Variants in RAP1GAP2 observed in about 807,000 individuals in gnomAD.
RAP1GAP2 encodes RAP1 GTPase activating protein 2.
In RAP1GAP2, 27 loss-of-function variants were observed where a neutral mutation model predicts 95.0. That is an observed-to-expected ratio of 0.28 (90% confidence interval 0.21 to 0.39). The LOEUF is 0.39. RAP1GAP2 is among the 10% of genes least tolerant of loss of function. The pLI, the probability that RAP1GAP2 is intolerant of heterozygous loss-of-function variation, is 1.00. For missense variants in RAP1GAP2, 771 were observed against 970.0 expected (o/e 0.79, Z 2.72); for synonymous variants, 373 against 380.9 (o/e 0.98, Z 0.24).
chr17:2,774,833 T>A (rs61421607), upstream of RAP1GAP2, among the ~76,000 whole-genome samples: 1 of 81,358 alleles, frequency 1.2e-5, no homozygotes, highest in Non-Finnish European at 2.3e-5. Flanking sequence ...TTTTTTTTTT[T>A]TCCCCAAGAT....
At chr17:2,879,941 G>A (rs2073227840) in intron 2 of RAP1GAP2, among the ~76,000 whole-genome samples, 1 of 152,224 alleles carries the variant, frequency 6.6e-6, no homozygotes, top group African/African-American at 2.4e-5. Flanking sequence ...AGAGACCGCA[G>A]GGTCCTTCAG....
chr17:2,810,134 A>G (rs1048102872), intron 2 of RAP1GAP2, among the ~76,000 whole-genome samples: 1 of 151,514 alleles, frequency 6.6e-6, no homozygotes, highest in Non-Finnish European at 1.5e-5. Flanking sequence ...AGGGCTGGAC[A>G]GAGGGCTGAG....
chr17:2,977,650 C>T (rs1004010204), intron 8 of RAP1GAP2, among the ~76,000 whole-genome samples: 1 of 148,924 alleles, frequency 6.7e-6, no homozygotes, highest in Non-Finnish European at 1.5e-5. Flanking sequence ...GAGGCTGAGG[C>T]AGGAGAATTG....
intron 2 of RAP1GAP2, chr17:2,854,120 C>G: frequency 1.0e-6 from 1 of 985,448 alleles, no homozygotes; most frequent in Non-Finnish European, 1.2e-6. Context: ...CCTGCAGCGC[C>G]GGCCGCTTCC....
chr17:2,911,863 G>C lies in RAP1GAP2; in HGVS notation c.165+6495G>C, dbSNP rs1405959509. On this transcript the variant is annotated intron_variant, in intron 3 of 24. Transcript: ENST00000254695. ...TGGGAAGGACACAGAGCATTTCACT[G>C]AAGTCCACTCTGCTGGGACTTGACC... 7.2e-5 allele frequency among the ~76,000 whole-genome samples: 11 copies of C among 152,180 alleles called. No individual in the cohort carries two copies. The East Asian group carries it at 1.9e-3, about 27-fold the overall frequency.
intron 5 of RAP1GAP2, 147 bp downstream of exon 5, chr17:2,962,861 C>T: frequency 2.7e-6 from 2 of 735,482 alleles, no homozygotes; most frequent in Non-Finnish European, 2.1e-6. Context: ...TCACGACTGC[C>T]TTGTTAGACC....
intron 2 of RAP1GAP2, among the ~76,000 whole-genome samples, chr17:2,874,446 A>C (rs1489377822): frequency 6.6e-6 from 1 of 152,160 alleles, no homozygotes; most frequent in Non-Finnish European, 1.5e-5. Flanking sequence ...TGACGGAGGC[A>C]TTGGAAGCTT....
chr17:2,897,112 A>G (rs2041858491), intron 2 of RAP1GAP2, among the ~76,000 whole-genome samples: 1 of 152,074 alleles, frequency 6.6e-6, no homozygotes, highest in Non-Finnish European at 1.5e-5. Flanking sequence ...TGAGGCGGGT[A>G]GATCGCCTGA....
At chr17:3,007,899 G>A in intron 16 of RAP1GAP2, 112 bp from the exon 17 acceptor site, 1 of 1,320,944 alleles carries the variant, frequency 7.6e-7, no homozygotes, top group South Asian at 1.4e-5. Flanking sequence ...CCGTTGCTGG[G>A]CCGGGCTGGG....
chr17:2,833,146 T>A (rs2070965578), intron 2 of RAP1GAP2, among the ~76,000 whole-genome samples: 1 of 129,084 alleles, frequency 7.7e-6, no homozygotes, highest in African/African-American at 3.1e-5. Flanking sequence ...TTCTTGATAA[T>A]TTTTTTTTTT....
intron 1 of RAP1GAP2, among the ~76,000 whole-genome samples, chr17:2,769,280 G>T (rs925521835): frequency 1.5e-5 from 2 of 134,764 alleles, no homozygotes; most frequent in Non-Finnish European, 3.1e-5. Flanking sequence ...AAAGGTCTGG[G>T]TGCGGTGGCT....
Position 2,800,553 on chromosome 17 carries a change from A to AAGT in RAP1GAP2, c.80+6_80+8dup. ...ATGCTGGCAAGTCTGAAGGTCAAGT[A>AAGT]AGTAGCAATTTCCTGTTCTGTAAAG... is the stretch of plus-strand genomic sequence containing the variant. On this transcript the variant is annotated splice_donor_region_variant and intron_variant, in intron 2 of 24. Transcript: ENST00000254695. 1 of 1,612,588 alleles carries AAGT rather than the reference A, an allele frequency of 6.2e-7. No homozygotes were observed. The highest frequency in any genetic ancestry group is 1.1e-5 in the South Asian group (1 of 90,692).
intron 2 of RAP1GAP2, among the ~76,000 whole-genome samples, chr17:2,819,041 CAG>C (rs1014192318): frequency 1.5e-4 from 22 of 149,906 alleles, no homozygotes; most frequent in Non-Finnish European, 1.9e-4. Flanking sequence ...TTTTTTGAGA[CAG>C]AGTCTCACTC....
intron 2 of RAP1GAP2, among the ~76,000 whole-genome samples, chr17:2,890,542 C>T (rs76912128): frequency 0.021 from 3,226 of 152,208 alleles, 118 homozygotes; most frequent in African/African-American, 0.073. Context: ...TGGTTTAACA[C>T]GCCTCTGTGC....
At chr17:2,796,175 C>T (rs1244371788), upstream of RAP1GAP2, among the ~76,000 whole-genome samples, 3 of 152,122 alleles carry the variant, frequency 2.0e-5, no homozygotes, top group Admixed American at 6.5e-5. The surrounding 1 kb of genome is among the most constrained non-coding windows in gnomAD (Gnocchi z 4.7). Flanking sequence ...ATCCTTGGGG[C>T]GCCTTTGGGT....
chr17:2,798,304 C>T (rs1283824218), intron 1 of RAP1GAP2, among the ~76,000 whole-genome samples: 1 of 152,144 alleles, frequency 6.6e-6, no homozygotes, highest in Non-Finnish European at 1.5e-5. Flanking sequence ...AGGCCCTGCC[C>T]CGTCGCGTTC....
chr17:2,881,380 A>T (rs1203882678), intron 2 of RAP1GAP2, among the ~76,000 whole-genome samples: 1 of 152,196 alleles, frequency 6.6e-6, no homozygotes, highest in Non-Finnish European at 1.5e-5. Flanking sequence ...TGGGATGCTC[A>T]GTGTGTAGAT....
intron 2 of RAP1GAP2, among the ~76,000 whole-genome samples, chr17:2,889,572 A>G (rs979763940): frequency 1.4e-4 from 22 of 152,012 alleles, no homozygotes; most frequent in Non-Finnish European, 2.9e-4. Flanking sequence ...GCCAGATTCC[A>G]GTATGCCCCT....
chr17:2,920,348 AC>A (rs2042718655), intron 3 of RAP1GAP2, among the ~76,000 whole-genome samples: 1 of 151,994 alleles, frequency 6.6e-6, no homozygotes, highest in African/African-American at 2.4e-5. Context: ...TCAGGGCGTC[AC>A]CCAGGGGATG....
Sources: allele counts gnomAD v4.1 joint callset (sites outside exome capture counted in the v4.1 genomes callset), GRCh38; gene constraint gnomAD v4.1.1; non-coding constraint Gnocchi (gnomAD v3.1); transcripts MANE v1.5; gene names NCBI Gene and HGNC (gene_info 2026-07-23, HGNC 2026-07-21).